The following RYR2 variants were observed in gnomAD, a reference collection of about 807,000 sequenced individuals.
RYR2 encodes cardiac muscle ryanodine receptor-calcium release channel.
In RYR2, 227 loss-of-function variants were observed where a neutral mutation model predicts 601.1. The ratio of observed to expected loss-of-function variants is 0.38; its 90% confidence interval spans 0.34 to 0.42. The LOEUF (loss-of-function observed/expected upper bound fraction) is 0.42. Among genes scored for constraint, RYR2 ranks in the 10% least tolerant of loss-of-function variants. RYR2 has a pLI of 1.00. For synonymous variants in RYR2, 2,223 were observed against 2,175.1 expected, an observed-to-expected ratio of 1.02 and a Z score of -0.61; for missense variants, 4,646 against 6,156.5, an observed-to-expected ratio of 0.75 and a Z score of 8.21.
intron 2 of RYR2, among the ~76,000 whole-genome samples, chr1:237,292,772 T>A (rs192228672): frequency 6.6e-6 from 1 of 152,230 alleles, no homozygotes; most frequent in Non-Finnish European, 1.5e-5. Context: ...AAGTTTGTGT[T>A]GGGGGAAGGT....
intron 1 of RYR2, among the ~76,000 whole-genome samples, chr1:237,253,785 GA>G (rs1687698671): frequency 6.6e-6 from 1 of 152,188 alleles, no homozygotes; most frequent in Non-Finnish European, 1.5e-5. Context: ...CCAATTGCAA[GA>G]AAAGTGAGGT....
At chr1:237,751,656 G>T (rs1301874786) in intron 80 of RYR2, among the ~76,000 whole-genome samples, 1 of 152,158 alleles carries the variant, frequency 6.6e-6, no homozygotes, top group Non-Finnish European at 1.5e-5. Context: ...AGCCTCTAGT[G>T]CATTAACTGA....
chr1:237,754,502 T>C (rs139248290), intron 80 of RYR2, among the ~76,000 whole-genome samples: 209 of 152,320 alleles, frequency 1.4e-3, no homozygotes, highest in African/African-American at 4.9e-3. Context: ...CTGATGACTG[T>C]CTTTATGTGT....
intron 1 of RYR2, among the ~76,000 whole-genome samples, chr1:237,084,674 TTCACTGTTCCCAGTG>T (rs1338576089): frequency 6.6e-6 from 1 of 152,232 alleles, no homozygotes; most frequent in Non-Finnish European, 1.5e-5. Context: ...CCTTGGTGCC[TTCACTGTTCCCAGTG>T]TCACTGGTTA....
At chr1:237,160,307 G>T (rs1675863778) in intron 1 of RYR2, among the ~76,000 whole-genome samples, 1 of 152,180 alleles carries the variant, frequency 6.6e-6, no homozygotes, top group South Asian at 2.1e-4. Context: ...ATGTTTTTCA[G>T]TGGTGCCAAT....
intron 2 of RYR2, among the ~76,000 whole-genome samples, chr1:237,293,498 C>T (rs1692451972): frequency 6.6e-6 from 1 of 152,170 alleles, no homozygotes; most frequent in African/African-American, 2.4e-5. Context: ...TGAGCCACCG[C>T]ACCCGGCCTG....
chr1:237,735,368 G>A (rs1413485375), intron 79 of RYR2, among the ~76,000 whole-genome samples: 1 of 152,094 alleles, frequency 6.6e-6, no homozygotes, highest in Non-Finnish European at 1.5e-5. Context: ...GGTTGAAGGG[G>A]ATTATTTTTG....
intron 1 of RYR2, among the ~76,000 whole-genome samples, chr1:237,057,901 A>G (rs1662371560): frequency 6.6e-6 from 1 of 152,030 alleles, no homozygotes; most frequent in Non-Finnish European, 1.5e-5. Flanking sequence ...TACGATTTTC[A>G]TTTGCCTTTG....
intron 38 of RYR2, among the ~76,000 whole-genome samples, chr1:237,617,779 T>G (rs1318085164): frequency 6.6e-5 from 10 of 152,198 alleles, no homozygotes; most frequent in African/African-American, 2.2e-4. Context: ...CAAATGGGTC[T>G]TCATCATCTT....
chr1:237,604,283 C>G (rs1028497660), intron 35 of RYR2, among the ~76,000 whole-genome samples: 11 of 152,152 alleles, frequency 7.2e-5, no homozygotes, highest in Non-Finnish European at 1.3e-4. Flanking sequence ...CAAAACCACT[C>G]AACTACATGG....
chr1:237,147,038 A>C (rs1674075978), intron 1 of RYR2, among the ~76,000 whole-genome samples: 1 of 152,184 alleles, frequency 6.6e-6, no homozygotes, highest in Admixed American at 6.5e-5. Context: ...AATGCCTGGA[A>C]AAAACTATGA....
intron 73 of RYR2, among the ~76,000 whole-genome samples, chr1:237,719,265 C>G (rs986402896): frequency 6.6e-6 from 1 of 152,018 alleles, no homozygotes; most frequent in Non-Finnish European, 1.5e-5. Flanking sequence ...TCAAAAAACA[C>G]AAAATTTACA....
intron 76 of RYR2, among the ~76,000 whole-genome samples, chr1:237,728,665 T>C (rs969740900): frequency 6.6e-6 from 1 of 151,464 alleles, no homozygotes; most frequent in Admixed American, 6.6e-5. Context: ...ACCATCATTC[T>C]CAGCAAACTA....
In RYR2 at chr1:237,106,822, G is replaced by A. The variant is rs1039137269; in HGVS notation, c.48+64253G>A. Among the ~76,000 whole-genome samples, 2 of 152,170 alleles carry A rather than the reference G, an allele frequency of 1.3e-5. No homozygotes were observed. Among genetic ancestry groups the A allele is most frequent in the African/African-American group, 4.8e-5 (2 of 41,450 alleles). Reference sequence around the variant, plus strand: ...GCAATTTGGTGTCTGGTGAAGGCTCGCTTCCTGGTTCATAGGCGGCTGTCT... The same window carrying A: ...GCAATTTGGTGTCTGGTGAAGGCTCACTTCCTGGTTCATAGGCGGCTGTCT... On this transcript the variant is annotated intron_variant, in intron 1 of 104. Transcript: ENST00000366574. The surrounding 1 kb of genome is among the most constrained non-coding windows in gnomAD (Gnocchi z 4.4).
chr1:237,748,884 C>G (rs1346475308), intron 80 of RYR2, among the ~76,000 whole-genome samples: 1 of 152,120 alleles, frequency 6.6e-6, no homozygotes, highest in Non-Finnish European at 1.5e-5. Flanking sequence ...TCACTGTTCC[C>G]TAAACAATAC....
chr1:237,666,702 T>G, intron 57 of RYR2, 113 bp downstream of exon 57: 3 of 800,476 alleles, frequency 3.7e-6, no homozygotes, highest in Non-Finnish European at 6.1e-6. Context: ...TGGCGATCTA[T>G]AATGGATCCA....
intron 101 of RYR2, among the ~76,000 whole-genome samples, chr1:237,821,264 T>C (rs1662467426): frequency 1.3e-5 from 2 of 152,030 alleles, no homozygotes; most frequent in Non-Finnish European, 2.9e-5. Context: ...ACAGACACCT[T>C]ATACAGGAGA....
chr1:237,247,039 T>C (rs1042005877), intron 1 of RYR2, among the ~76,000 whole-genome samples: 1 of 152,226 alleles, frequency 6.6e-6, no homozygotes, highest in Non-Finnish European at 1.5e-5. Context: ...AGATAACTTT[T>C]TGAATTTTTA....
chr1:237,694,617 A>T (rs1251629574), intron 63 of RYR2, among the ~76,000 whole-genome samples: 2 of 152,216 alleles, frequency 1.3e-5, no homozygotes, highest in Non-Finnish European at 2.9e-5. Context: ...TGAAAGTAAT[A>T]AAGTATACAT....
Sources: allele counts gnomAD v4.1 joint callset (sites outside exome capture counted in the v4.1 genomes callset), GRCh38; gene constraint gnomAD v4.1.1; non-coding constraint Gnocchi (gnomAD v3.1); transcripts MANE v1.5; gene names NCBI Gene and HGNC (gene_info 2026-07-23, HGNC 2026-07-21).